Variants in IQCJ observed in about 807,000 individuals in gnomAD.
IQCJ encodes IQ motif containing J.
Under a neutral mutation model 11.0 loss-of-function variants are expected in IQCJ, and 9 were observed. That is an observed-to-expected ratio of 0.82 (90% CI 0.49 to 1.43). The LOEUF (loss-of-function observed/expected upper bound fraction) is 1.43, where lower values mean the gene tolerates loss of function less well. Among genes scored for constraint, IQCJ ranks in the 40% most tolerant of loss-of-function variants. IQCJ has a pLI of 0.00. For missense variants in IQCJ, 146 were observed against 133.2 expected, an observed-to-expected ratio of 1.10 and a Z score of -0.47; for synonymous variants, 55 against 51.3, an observed-to-expected ratio of 1.07 and a Z score of -0.31.
intron 1 of IQCJ, among the ~76,000 whole-genome samples, chr3:159,085,438 T>G (rs1279393461): frequency 2.0e-5 from 3 of 152,040 alleles, no homozygotes; most frequent in Non-Finnish European, 2.9e-5. Flanking sequence ...TACCCAGTAA[T>G]GGGATGGCTG....
At chr3:159,251,620 GCA>G (rs139292697) in intron 2 of IQCJ, among the ~76,000 whole-genome samples, 3 of 127,186 alleles carry the variant, frequency 2.4e-5, no homozygotes, top group African/African-American at 2.6e-5. Context: ...AATTTTTATT[GCA>G]CACACACACA....
At chr3:159,084,801 A>G (rs1435535714) in intron 1 of IQCJ, among the ~76,000 whole-genome samples, 1 of 152,108 alleles carries the variant, frequency 6.6e-6, no homozygotes, top group East Asian at 1.9e-4. Flanking sequence ...AGGTAACCCC[A>G]TTAAGACCCA....
At chr3:159,083,178 T>A (rs1000987137) in intron 1 of IQCJ, among the ~76,000 whole-genome samples, 4 of 152,162 alleles carry the variant, frequency 2.6e-5, no homozygotes, top group African/African-American at 9.7e-5. Context: ...AAAGACAAGC[T>A]ATAGCCTGGG....
chr3:159,199,055 A>G (rs927231144), intron 1 of IQCJ, among the ~76,000 whole-genome samples: 8 of 152,158 alleles, frequency 5.3e-5, no homozygotes, highest in African/African-American at 1.7e-4. Context: ...AAAACAGGAA[A>G]CATTGTGGTG....
At chr3:159,131,218 G>C (rs1185659538) in intron 1 of IQCJ, among the ~76,000 whole-genome samples, 1 of 152,152 alleles carries the variant, frequency 6.6e-6, no homozygotes, top group East Asian at 1.9e-4. Context: ...TGGGGCTTCA[G>C]TTTCTTGACA....
At chr3:159,242,632 T>A (rs761366188) in intron 1 of IQCJ, among the ~76,000 whole-genome samples, 10 of 151,700 alleles carry the variant, frequency 6.6e-5, no homozygotes, top group African/African-American at 9.7e-5. Context: ...TTTAGTAGAC[T>A]TATGCTCATA....
intron 1 of IQCJ, among the ~76,000 whole-genome samples, chr3:159,143,391 G>T (rs1272617164): frequency 1.3e-5 from 2 of 152,284 alleles, no homozygotes; most frequent in East Asian, 3.9e-4. Context: ...TACCCTAGAA[G>T]AATCTTTTTT....
intron 1 of IQCJ, among the ~76,000 whole-genome samples, chr3:159,143,411 G>A (rs1720741524): frequency 6.6e-6 from 1 of 152,116 alleles, no homozygotes; most frequent in South Asian, 2.1e-4. Context: ...TCTCATTTCT[G>A]TTGATCTCTT....
At chr3:159,264,907 A>C (rs2108243308), downstream of IQCJ, among the ~76,000 whole-genome samples, 1 of 147,006 alleles carries the variant, frequency 6.8e-6, no homozygotes, top group African/African-American at 2.4e-5. Context: ...ACAGAGGGGA[A>C]AACAAAAAAA....
intron 1 of IQCJ, among the ~76,000 whole-genome samples, chr3:159,087,809 T>C (rs1414128801): frequency 1.3e-5 from 2 of 151,812 alleles, no homozygotes; most frequent in Non-Finnish European, 2.9e-5. Flanking sequence ...TCTTCTCTCT[T>C]TTTTTCTTTA....
chr3:159,209,265 T>C (rs1266286019), intron 1 of IQCJ, among the ~76,000 whole-genome samples: 2 of 152,112 alleles, frequency 1.3e-5, no homozygotes, highest in Non-Finnish European at 2.9e-5. Context: ...AGATGTGGCT[T>C]AACTTCAGAT....
chr3:159,218,343 G>C lies in IQCJ; in HGVS notation c.10-27500G>C, dbSNP rs985268262. Among the ~76,000 whole-genome samples, 6 of 138,054 alleles carry C rather than the reference G, an allele frequency of 4.3e-5. 1 individual carries two copies. In the East Asian group the frequency reaches 1.2e-3, roughly 27 times the overall value. The allele number at this position is 138,054 out of a possible 152,430, so 90.6% of individuals were successfully genotyped here. On this transcript the variant is annotated intron_variant, in intron 1 of 3. Transcript: ENST00000397832. Reference sequence around the variant, plus strand: ...AAGAGGGAGTATAGAGTCCCTCTTTGTGTGTGTGTGTGTGTGTGTGTGTGT... The same window carrying C: ...AAGAGGGAGTATAGAGTCCCTCTTTCTGTGTGTGTGTGTGTGTGTGTGTGT...
chr3:159,208,294 G>A (rs140449473), intron 1 of IQCJ, among the ~76,000 whole-genome samples: 5 of 152,230 alleles, frequency 3.3e-5, no homozygotes, highest in African/African-American at 7.2e-5. Context: ...AATGCTTTGC[G>A]GTTTCCAAGC....
At chr3:159,264,549 A>G (rs1175336508), downstream of IQCJ, among the ~76,000 whole-genome samples, 1 of 152,180 alleles carries the variant, frequency 6.6e-6, no homozygotes. Flanking sequence ...GCCCCACCAT[A>G]TCATCATCCT....
chr3:159,189,423 C>T lies in IQCJ; in HGVS notation c.10-56420C>T, dbSNP rs147268907. On this transcript the variant is annotated intron_variant, in intron 1 of 3. Transcript: ENST00000397832. ...ACAGTTTGCTAACAGCCCCTATAAC[C>T]TTTAGCACTGGAACATTCAAGACCA... Among the ~76,000 whole-genome samples the T allele has an allele frequency of 4.5e-3, 687 of 152,288 alleles. 5 individuals carry two copies. Among genetic ancestry groups the T allele is most frequent in the African/African-American group, 0.013 (526 of 41,562 alleles).
chr3:159,183,976 C>G (rs1187279702), intron 1 of IQCJ, among the ~76,000 whole-genome samples: 2 of 151,474 alleles, frequency 1.3e-5, no homozygotes, highest in Non-Finnish European at 2.9e-5. Flanking sequence ...TCTCTTGCCT[C>G]TCTACAATCT....
intron 1 of IQCJ, among the ~76,000 whole-genome samples, chr3:159,074,192 G>A (rs1240573798): frequency 2.0e-5 from 3 of 152,114 alleles, no homozygotes; most frequent in African/African-American, 4.8e-5. Flanking sequence ...ATGAGGCTGT[G>A]ATGTGGAGGC....
chr3:159,173,716 T>C lies in IQCJ; in HGVS notation c.10-72127T>C, dbSNP rs115746452. ...GCTGCCAACTGATTGTCATTCCTTA[T>C]GGATAATCTTTTCTTTCCTTCTCCA... On this transcript the variant is annotated intron_variant, in intron 1 of 3. Coordinates refer to ENST00000397832, the MANE Select transcript of IQCJ (RefSeq NM_001042706.3). Among the ~76,000 whole-genome samples, 1,244 of 152,308 alleles carry C rather than the reference T, an allele frequency of 8.2e-3. 16 individuals carry two copies. Among genetic ancestry groups the C allele is most frequent in the African/African-American group, 0.028 (1,168 of 41,574 alleles).
At chr3:159,116,643 TATATATATATATATATATATATATATAC>T (rs1377367765) in intron 1 of IQCJ, among the ~76,000 whole-genome samples, 1,150 of 38,464 alleles carry the variant, frequency 0.03, 48 homozygotes, top group African/African-American at 0.06. Context: ...TATATATATA[TATATATATATATATATATATATATATAC>T]ACCCTTCATC....
Sources: gnomAD v4.1 joint callset for allele counts (sites outside exome capture counted in the v4.1 genomes callset) on GRCh38, gnomAD v4.1.1 for gene constraint, MANE v1.5 for transcripts, NCBI Gene and HGNC (gene_info 2026-07-23, HGNC 2026-07-21) for gene names.